CTNNA2: variants seen among roughly 807,000 people sequenced by gnomAD.
CTNNA2 encodes the protein catenin alpha-2.
In CTNNA2, 42 loss-of-function variants were observed where a neutral mutation model predicts 101.0. That is an observed-to-expected ratio of 0.42 (90% confidence interval 0.32 to 0.54). CTNNA2 has a LOEUF of 0.54. CTNNA2 is among the 20% of genes least tolerant of loss of function. The pLI is 0.14. For missense variants in CTNNA2, 871 were observed against 1,223.1 expected (o/e 0.71, Z 4.29); for synonymous variants, 450 against 456.4 (o/e 0.99, Z 0.18).
chr2:79,780,200 G>A (rs112543377), intron 3 of CTNNA2, among the ~76,000 whole-genome samples: 328 of 152,236 alleles, frequency 2.2e-3, no homozygotes, highest in African/African-American at 7.3e-3. Flanking sequence ...TACATCTTAC[G>A]TGTATTAATT....
intron 3 of CTNNA2, among the ~76,000 whole-genome samples, chr2:79,818,469 T>C (rs902957037): frequency 6.6e-5 from 10 of 151,320 alleles, no homozygotes; most frequent in African/African-American, 2.2e-4. Flanking sequence ...CCCGCCACCA[T>C]GCCCGGCTTA....
intron 7 of CTNNA2, among the ~76,000 whole-genome samples, chr2:80,147,929 C>T (rs141417665): frequency 4.6e-5 from 7 of 152,274 alleles, no homozygotes; most frequent in East Asian, 1.9e-4. Flanking sequence ...TTTGTCTTCA[C>T]GGAGTCAGTG....
chr2:79,861,005 A>C (rs987100562), intron 4 of CTNNA2, among the ~76,000 whole-genome samples: 2 of 152,228 alleles, frequency 1.3e-5, no homozygotes, highest in Non-Finnish European at 2.9e-5. Context: ...TATTTTGATG[A>C]AGCAAGTTAG....
At chr2:79,678,036 A>G (rs964722492) in intron 2 of CTNNA2, among the ~76,000 whole-genome samples, 1 of 152,162 alleles carries the variant, frequency 6.6e-6, no homozygotes, top group Non-Finnish European at 1.5e-5. Context: ...ATTTGTTGCT[A>G]TGGTCATGAC....
intron 4 of CTNNA2, among the ~76,000 whole-genome samples, chr2:79,401,741 G>A (rs1678292449): frequency 6.6e-6 from 1 of 151,302 alleles, no homozygotes; most frequent in Admixed American, 6.6e-5. Flanking sequence ...TAAAACATCA[G>A]ACATAATGAC....
intron 3 of CTNNA2, among the ~76,000 whole-genome samples, chr2:79,323,114 A>G (rs1459148821): frequency 1.3e-5 from 2 of 152,176 alleles, no homozygotes; most frequent in African/African-American, 4.8e-5. Flanking sequence ...CAGTATGTTT[A>G]GGCTCTTCCA....
intron 4 of CTNNA2, among the ~76,000 whole-genome samples, chr2:79,497,353 T>G (rs1671267953): frequency 6.6e-6 from 1 of 152,214 alleles, no homozygotes; most frequent in Non-Finnish European, 1.5e-5. Context: ...GATTTTGTAT[T>G]CTCAACTCTT....
At chr2:79,870,643 C>T (rs1057216818) in intron 5 of CTNNA2, among the ~76,000 whole-genome samples, 2 of 152,116 alleles carry the variant, frequency 1.3e-5, no homozygotes, top group African/African-American at 4.8e-5. Flanking sequence ...GGAGATTTAA[C>T]TGACTCACAG....
chr2:80,632,157 G>C (rs564198525), intron 18 of CTNNA2, among the ~76,000 whole-genome samples: 2 of 152,108 alleles, frequency 1.3e-5, no homozygotes, highest in African/African-American at 4.8e-5. Flanking sequence ...ATCCCAGCAT[G>C]ATTTATGTGG....
chr2:79,864,047 A>G (rs535581623), intron 4 of CTNNA2, among the ~76,000 whole-genome samples: 1 of 152,312 alleles, frequency 6.6e-6, no homozygotes, highest in Admixed American at 6.5e-5. Flanking sequence ...GGCAGCGTCT[A>G]TGCAACACCC....
At chr2:79,677,336 A>C (rs1683254560) in intron 2 of CTNNA2, among the ~76,000 whole-genome samples, 1 of 152,024 alleles carries the variant, frequency 6.6e-6, no homozygotes, top group Non-Finnish European at 1.5e-5. Flanking sequence ...TTTCCTCCTC[A>C]AGGAATCTGC....
intron 3 of CTNNA2, among the ~76,000 whole-genome samples, chr2:79,798,887 A>G (rs1030847007): frequency 6.6e-6 from 1 of 152,248 alleles, no homozygotes; most frequent in African/African-American, 2.4e-5. Context: ...AGAAAAGAGC[A>G]GACTCTGGAG....
chr2:79,677,470 A>G lies in CTNNA2; in HGVS notation c.102+25812A>G, dbSNP rs1336030987. Among the ~76,000 whole-genome samples, 10 of 152,188 alleles carry G rather than the reference A, an allele frequency of 6.6e-5. No homozygotes were observed. The East Asian group carries it at 1.9e-3, about 29-fold the overall frequency. On this transcript the variant is annotated intron_variant, in intron 2 of 18. Transcript: ENST00000402739. ...GCATAGGCGGATCAAATGGGGGAGA[A>G]ACAATAGGTAAAATGTGGAGTCGTA... is the stretch of plus-strand genomic sequence containing the variant.
chr2:79,273,011 T>C (rs1233951452), intron 2 of CTNNA2, among the ~76,000 whole-genome samples: 1 of 152,090 alleles, frequency 6.6e-6, no homozygotes, highest in African/African-American at 2.4e-5. Flanking sequence ...GGCTCCAGGA[T>C]TGATTTAGCA....
At chr2:79,613,261 T>G (rs1678404832) in intron 1 of CTNNA2, among the ~76,000 whole-genome samples, 1 of 151,922 alleles carries the variant, frequency 6.6e-6, no homozygotes, top group East Asian at 1.9e-4. Flanking sequence ...GGAAGTCATA[T>G]CAGACTCACA....
At chr2:79,543,588 C>T (rs533942518) in intron 1 of CTNNA2, among the ~76,000 whole-genome samples, 8 of 152,160 alleles carry the variant, frequency 5.3e-5, no homozygotes, top group African/African-American at 1.7e-4. Flanking sequence ...CCACTGCTTC[C>T]GTCACACCCA....
At chr2:80,390,199 TAA>T (rs1677380771) in intron 7 of CTNNA2, among the ~76,000 whole-genome samples, 1 of 152,198 alleles carries the variant, frequency 6.6e-6, no homozygotes, top group Non-Finnish European at 1.5e-5. Flanking sequence ...AAGGTCCAGC[TAA>T]TTTTCTCTTT....
intron 7 of CTNNA2, among the ~76,000 whole-genome samples, chr2:80,208,245 G>A (rs952425757): frequency 8.5e-5 from 13 of 152,134 alleles, no homozygotes; most frequent in South Asian, 2.1e-4. Flanking sequence ...TTTAATTTTC[G>A]TTCATTTGTT....
intron 7 of CTNNA2, among the ~76,000 whole-genome samples, chr2:80,053,373 C>T (rs1355247796): frequency 6.6e-6 from 1 of 152,166 alleles, no homozygotes. Flanking sequence ...TATAGTTGAG[C>T]AATCCTCAGT....
Sources: gnomAD v4.1 joint callset for allele counts (sites outside exome capture counted in the v4.1 genomes callset) on GRCh38, gnomAD v4.1.1 for gene constraint, MANE v1.5 for transcripts, NCBI Gene and HGNC (gene_info 2026-07-23, HGNC 2026-07-21) for gene names.